Variants in LRBA observed in about 807,000 individuals in gnomAD.
LRBA encodes the protein LPS responsive beige-like anchor protein.
LRBA carries 176 observed loss-of-function variants against 330.0 expected under a neutral mutation model. The ratio of observed to expected loss-of-function variants is 0.53; its 90% CI spans 0.47 to 0.60. The LOEUF (loss-of-function observed/expected upper bound fraction) is 0.60, where lower values mean the gene tolerates loss of function less well. Among genes scored for constraint, LRBA ranks in the 20% least tolerant of loss-of-function variants. The pLI is 0.00. For synonymous variants in LRBA, 1,230 were observed against 1,193.0 expected (o/e 1.03, Z -0.64); for missense variants, 3,259 against 3,444.8 (o/e 0.95, Z 1.35).
At chr4:150,412,816 CAAT>C (rs567543328) in intron 47 of LRBA, among the ~76,000 whole-genome samples, 268 of 150,814 alleles carry the variant, frequency 1.8e-3, no homozygotes, top group African/African-American at 6.1e-3. Flanking sequence ...GTATATTCAC[CAAT>C]AATGAGGATA....
chr4:150,423,133 C>T lies in LRBA; in HGVS notation c.7042-7543G>A, dbSNP rs933978803. ...ATTATAAAGTGCCAGGAAGCTACCA[C>T]CACCAAAGTACAGGACCAACCTCGG... is the stretch of plus-strand genomic sequence containing the variant. On this transcript the variant is annotated intron_variant, in intron 46 of 56. Transcript: ENST00000651943. 6.3e-6 allele frequency: 6 copies of T among 947,800 alleles called. No homozygotes were observed. In the African/African-American group the frequency reaches 9.9e-5, roughly 16 times the overall value. 58.7% of individuals were successfully genotyped at this position (947,800 alleles called of 1,614,324 possible). A position where few individuals can be genotyped will look rare whatever the true frequency, so the allele number is the denominator to read the frequency against.
intron 2 of LRBA, among the ~76,000 whole-genome samples, chr4:150,933,073 C>T (rs2149515083): frequency 6.6e-6 from 1 of 152,066 alleles, no homozygotes; most frequent in African/African-American, 2.4e-5. Flanking sequence ...ATTGTATTGA[C>T]TCTTTTTAAA....
intron 47 of LRBA, among the ~76,000 whole-genome samples, chr4:150,379,510 G>A (rs1483669418): frequency 6.6e-6 from 1 of 152,014 alleles, no homozygotes; most frequent in Non-Finnish European, 1.5e-5. Context: ...GCCCAGCTGG[G>A]TTCACATTGA....
intron 37 of LRBA, among the ~76,000 whole-genome samples, chr4:150,632,128 GGCT>G: frequency 6.6e-6 from 1 of 152,186 alleles, no homozygotes; most frequent in African/African-American, 2.4e-5. Flanking sequence ...CTACTTGGGA[GGCT>G]GAGGCAGGAG....
At chr4:150,294,802 A>G (rs937448420) in intron 53 of LRBA, among the ~76,000 whole-genome samples, 2 of 152,182 alleles carry the variant, frequency 1.3e-5, no homozygotes, top group African/African-American at 4.8e-5. Flanking sequence ...ATACAAAAAA[A>G]TTATCTGGGC....
At chr4:150,781,853 C>A (rs1738277733) in intron 34 of LRBA, among the ~76,000 whole-genome samples, 1 of 152,114 alleles carries the variant, frequency 6.6e-6, no homozygotes, top group African/African-American at 2.4e-5. Flanking sequence ...CTCCTTAAGT[C>A]CTCAACAGTG....
chr4:150,729,164 A>G (rs1377698316), intron 36 of LRBA, among the ~76,000 whole-genome samples: 1 of 152,122 alleles, frequency 6.6e-6, no homozygotes, highest in Admixed American at 6.5e-5. Flanking sequence ...TAAAAAACAC[A>G]AAAATTAGCC....
At chr4:150,568,538 G>A (rs1376612012) in intron 40 of LRBA, among the ~76,000 whole-genome samples, 3 of 152,228 alleles carry the variant, frequency 2.0e-5, no homozygotes, top group East Asian at 3.9e-4. Context: ...ACATTAAGAT[G>A]AGGACTATAC....
At chr4:150,967,058 G>A (rs1321951076) in intron 2 of LRBA, among the ~76,000 whole-genome samples, 1 of 152,032 alleles carries the variant, frequency 6.6e-6, no homozygotes, top group Admixed American at 6.5e-5. Context: ...GTAAACACTG[G>A]TTTTTAATAA....
rs1579047147 is a variant in LRBA, at chr4:150,868,371, C to T, written c.2450-66G>A. ...AAAAAACTCATGATAGAAGGTCATC[C>T]ATCTATTGCAATTTCTTTAGTTTCC... On this transcript the variant is annotated intron_variant, in intron 20 of 56. Transcript: ENST00000651943. 5 of 1,151,080 alleles carry T rather than the reference C, an allele frequency of 4.3e-6. No individual in the cohort carries two copies. In the Admixed American group the frequency reaches 7.3e-5, roughly 17 times the overall value. 71.3% of individuals were successfully genotyped at this position (1,151,080 alleles called of 1,614,324 possible).
chr4:150,931,934 C>T (rs1295266508), intron 2 of LRBA, among the ~76,000 whole-genome samples: 1 of 151,940 alleles, frequency 6.6e-6, no homozygotes, highest in Non-Finnish European at 1.5e-5. Flanking sequence ...ATGGGTTAGG[C>T]GTGGTGGCTC....
intron 2 of LRBA, among the ~76,000 whole-genome samples, chr4:150,978,221 A>T (rs1321973222): frequency 1.3e-5 from 2 of 152,258 alleles, no homozygotes; most frequent in Non-Finnish European, 2.9e-5. Context: ...TTTGTTTGGG[A>T]CAAAGTAATG....
intron 2 of LRBA, among the ~76,000 whole-genome samples, chr4:150,968,456 A>G (rs1052609761): frequency 6.6e-6 from 1 of 152,238 alleles, no homozygotes; most frequent in African/African-American, 2.4e-5. Context: ...ACGTAAGCAA[A>G]ACAGCTTCAT....
chr4:150,977,740 C>T (rs757600951), intron 2 of LRBA, among the ~76,000 whole-genome samples: 37 of 152,138 alleles, frequency 2.4e-4, no homozygotes, highest in Non-Finnish European at 4.0e-4. Context: ...GGGCCTTAAG[C>T]GAACATTGGC....
intron 48 of LRBA, among the ~76,000 whole-genome samples, chr4:150,339,547 C>G (rs1581055085): frequency 1.3e-5 from 2 of 152,174 alleles, no homozygotes; most frequent in South Asian, 4.2e-4. Context: ...TTTCAAGAGA[C>G]ATAATTTTTT....
At chr4:150,590,684 T>G in intron 39 of LRBA, 29 bp downstream of exon 39, 1 of 1,607,608 alleles carries the variant, frequency 6.2e-7, no homozygotes, top group Non-Finnish European at 8.5e-7. Flanking sequence ...CAGAGGTAGC[T>G]GAAATATCTG....
intron 56 of LRBA, among the ~76,000 whole-genome samples, chr4:150,269,590 A>G (rs1448198903): frequency 6.6e-6 from 1 of 152,368 alleles, no homozygotes; most frequent in Non-Finnish European, 1.5e-5. Context: ...TGGATATGAT[A>G]TCAAAACAAA....
chr4:150,273,711 CAAAG>C (rs1392865061), intron 56 of LRBA, among the ~76,000 whole-genome samples: 1 of 151,708 alleles, frequency 6.6e-6, no homozygotes, highest in Non-Finnish European at 1.5e-5. Flanking sequence ...TCAAAAGAGA[CAAAG>C]AAGGCCATGA....
At chr4:150,345,913 C>T (rs905787940) in intron 48 of LRBA, among the ~76,000 whole-genome samples, 1 of 152,040 alleles carries the variant, frequency 6.6e-6, no homozygotes, top group Admixed American at 6.6e-5. Context: ...TCAAGCAATC[C>T]TCCCACCTCC....
Sources: gnomAD v4.1 joint callset for allele counts (sites outside exome capture counted in the v4.1 genomes callset) on GRCh38, gnomAD v4.1.1 for gene constraint, MANE v1.5 for transcripts, NCBI Gene and HGNC (gene_info 2026-07-23, HGNC 2026-07-21) for gene names.